Variants in COL5A3 observed in about 807,000 individuals in gnomAD.
The protein encoded by COL5A3 is collagen alpha-3(V) chain.
In COL5A3, 172 loss-of-function variants were observed where a neutral mutation model predicts 250.0. The ratio of observed to expected loss-of-function variants is 0.69; its 90% CI spans 0.61 to 0.78. The LOEUF (loss-of-function observed/expected upper bound fraction) is 0.78. Ranked by LOEUF, COL5A3 falls within the 30% of genes least tolerant of loss-of-function variation. The pLI is 0.00. For missense variants in COL5A3, 2,340 were observed against 2,334.4 expected (o/e 1.00, Z -0.05); for synonymous variants, 937 against 900.4 (o/e 1.04, Z -0.73).
intron 24 of COL5A3, 146 bp downstream of exon 24, chr19:9,991,464 C>T (rs1599217032): frequency 3.1e-6 from 2 of 652,084 alleles, no homozygotes; most frequent in East Asian, 2.8e-5. Flanking sequence ...AACAAGGACA[C>T]TTTGTATCTC....
In COL5A3 at chr19:9,996,363, A is replaced by G. The variant is rs2087272130; in HGVS notation, c.1422+70T>C. The stretch of plus-strand genomic sequence containing the variant: ...GAAAAATAACCCCCTTCTCCTGCCC[A>G]GCCCCTCCTTACGCCGAGGCTCTAT... On this transcript the variant is annotated intron_variant, in intron 13 of 66. Coordinates refer to ENST00000264828, the MANE Select transcript of COL5A3 (RefSeq NM_015719.4). 3 of 1,579,454 alleles carry G rather than the reference A, an allele frequency of 1.9e-6. No homozygotes were observed. In the Admixed American group the frequency reaches 5.4e-5, roughly 29 times the overall value.
At chr19:9,976,011 G>T (rs898862896) in intron 45 of COL5A3, among the ~76,000 whole-genome samples, 2 of 150,330 alleles carry the variant, frequency 1.3e-5, no homozygotes, top group Non-Finnish European at 3.0e-5. Flanking sequence ...ATTGGGTGTC[G>T]GTATTGAGGG....
chr19:9,998,255 C>A, intron 8 of COL5A3, 106 bp from the exon 9 acceptor site: 1 of 1,085,180 alleles, frequency 9.2e-7, no homozygotes, highest in Non-Finnish European at 1.3e-6. Flanking sequence ...CACACACACA[C>A]ACGGAGTCCA....
At chr19:9,971,604 C>T (rs1445487000) in intron 51 of COL5A3, among the ~76,000 whole-genome samples, 2 of 151,866 alleles carry the variant, frequency 1.3e-5, no homozygotes, top group Admixed American at 6.6e-5. Flanking sequence ...CATTCATACA[C>T]TCAGAGAAGG....
intron 24 of COL5A3, among the ~76,000 whole-genome samples, chr19:9,990,219 C>T (rs1246435750): frequency 1.3e-5 from 2 of 151,514 alleles, no homozygotes; most frequent in African/African-American, 4.8e-5. Context: ...CATAGTGAAA[C>T]CCCGTTTCTA....
chr19:9,997,047 G>T, intron 11 of COL5A3: 4 of 533,676 alleles, frequency 7.5e-6, no homozygotes, highest in Non-Finnish European at 1.3e-5. Context: ...AACATAGAGA[G>T]ATGGACGGAG....
intron 11 of COL5A3, 180 bp from the exon 12 acceptor site, chr19:9,996,869 A>G (rs10411835): frequency 0.079 from 46,240 of 586,518 alleles, 2,012 homozygotes; most frequent in African/African-American, 0.11. Flanking sequence ...AGTGGAAAGG[A>G]AAAGACAGAG....
At chr19:10,000,783 G>A (rs10412689) in intron 8 of COL5A3, among the ~76,000 whole-genome samples, 1 of 152,120 alleles carries the variant, frequency 6.6e-6, no homozygotes, top group African/African-American at 2.4e-5. Context: ...GCTCCAGGTA[G>A]AAATCCCTTC....
At chr19:9,972,251 A>C (rs2086858975) in intron 51 of COL5A3, among the ~76,000 whole-genome samples, 1 of 152,114 alleles carries the variant, frequency 6.6e-6, no homozygotes, top group South Asian at 2.1e-4. Flanking sequence ...TGATTTATTC[A>C]TTTTTCCATT....
intron 64 of COL5A3, 77 bp downstream of exon 64, chr19:9,966,237 A>T: frequency 9.2e-7 from 1 of 1,090,218 alleles, no homozygotes; most frequent in Non-Finnish European, 1.4e-6. Flanking sequence ...ATAACGTCCC[A>T]GACAAGGTGG....
chr19:10,002,741 G>A (rs10401265), intron 6 of COL5A3, among the ~76,000 whole-genome samples: 2,413 of 152,096 alleles, frequency 0.016, 66 homozygotes, highest in African/African-American at 0.055. Context: ...ATAAATGAGC[G>A]CAACAAAAGC....
At chr19:9,965,206 G>A (rs1329014855) in intron 64 of COL5A3, among the ~76,000 whole-genome samples, 1 of 142,980 alleles carries the variant, frequency 7.0e-6, no homozygotes, top group East Asian at 2.1e-4. Flanking sequence ...CCAGGCTGAA[G>A]TTCAGTGACA....
intron 54 of COL5A3, 45 bp downstream of exon 54, chr19:9,970,577 G>A (rs776891113): frequency 1.5e-5 from 20 of 1,317,150 alleles, no homozygotes; most frequent in Non-Finnish European, 1.8e-5. Context: ...AGGTGAGTGG[G>A]GGCTGTAGAT....
chr19:10,010,344 G>C lies in COL5A3; in HGVS notation c.42C>G (p.Leu14=), dbSNP rs1599236647. The C allele has an allele frequency of 8.8e-6, 13 of 1,471,308 alleles. No homozygotes were observed. The East Asian group carries it at 3.8e-4, about 43-fold the overall frequency. The allele number at this position is 1,471,308 out of a possible 1,614,324, so 91.1% of individuals were successfully genotyped here. ...RRDLGQPRAG[L]CLLLAALQLL... is the part of the protein sequence containing the mutation. ...GCTGCAGCGCGGCCAGGAGCAGGCA[G>C]AGACCGGCCCGCGGCTGGCCCAGGT... Residue 14 remains leucine, a synonymous_variant, in exon 1 of 67, where the codon CTC becomes CTG. Coordinates refer to ENST00000264828, the MANE Select transcript of COL5A3 (RefSeq NM_015719.4).
chr19:9,986,305 A>C lies in COL5A3; in HGVS notation c.2352+10T>G, dbSNP rs370121113. The C allele has an allele frequency of 5.3e-6, 8 of 1,512,760 alleles. No individual in the cohort carries two copies. In the African/African-American group the frequency reaches 1.1e-4, roughly 21 times the overall value. 93.7% of individuals were successfully genotyped at this position (1,512,760 alleles called of 1,614,324 possible). ...GACTGTGGGAGGCTAGAGGGTGGAG[A>C]GTCATTTACCTTCTCCCCAGCTGAG... On this transcript the variant is annotated intron_variant, in intron 30 of 66. Coordinates refer to ENST00000264828, the MANE Select transcript of COL5A3 (RefSeq NM_015719.4).
chr19:9,988,686 C>G (rs2087135411), intron 27 of COL5A3, among the ~76,000 whole-genome samples: 2 of 151,022 alleles, frequency 1.3e-5, no homozygotes, highest in Admixed American at 6.6e-5. Context: ...CAAAAATTAC[C>G]CAGGAGTGGT....
Position 9,966,526 on chromosome 19 carries a change from C to A in COL5A3, c.4669+10G>T. ...CCGCCCATCCAAGTGGCGGGGGGAC[C>A]GGACCTCACCATCAGGCAGGTGCGG... is the stretch of plus-strand genomic sequence containing the variant. On this transcript the variant is annotated intron_variant, in intron 63 of 66. Transcript: ENST00000264828. 1 of 1,538,554 alleles carries A rather than the reference C, an allele frequency of 6.5e-7. No homozygotes were observed.
At chr19:10,003,927 C>T (rs961319677) in intron 5 of COL5A3, 114 bp downstream of exon 5, 15 of 1,051,514 alleles carry the variant, frequency 1.4e-5, no homozygotes, top group African/African-American at 4.7e-5. Context: ...TTGGAGGTCA[C>T]GGGTCACTTA....
Position 10,001,856 on chromosome 19 carries a change from T to G in COL5A3, c.875A>C (p.Glu292Ala). The change falls in exon 7 of 67, where the codon GAG becomes GCG. Residue 292 changes from glutamate to alanine, a missense_variant. Physicochemically the swap from Glu to Ala is moderately radical, Grantham distance 107 (BLOSUM62 -1). Transcript: ENST00000264828. The stretch of plus-strand genomic sequence containing the variant: ...CGGAGGCAGATTTGGAGCTGGAGTC[T>G]CTGTCTTGGGGATGTCAGTGGAGGT... ...NQTSTDIPKT[E>A]TPAPNLPPTP... 3.1e-6 allele frequency: 5 copies of G among 1,613,926 alleles called. No homozygotes were observed. Among genetic ancestry groups the G allele is most frequent in the Non-Finnish European group, 3.4e-6 (4 of 1,179,928 alleles).
Sources: gnomAD v4.1 joint callset for allele counts (sites outside exome capture counted in the v4.1 genomes callset) on GRCh38, gnomAD v4.1.1 for gene constraint, MANE v1.5 for transcripts, NCBI Gene and HGNC (gene_info 2026-07-23, HGNC 2026-07-21) for gene names.